The following AKT3 variants were observed in gnomAD, a reference collection of about 807,000 sequenced individuals.
The protein encoded by AKT3 is RAC-gamma serine/threonine-protein kinase.
In AKT3, 15 loss-of-function variants were observed where a neutral mutation model predicts 65.3. The observed-to-expected ratio is 0.23, with a 90% confidence interval of 0.15 to 0.35. The LOEUF is 0.35. Among genes scored for constraint, AKT3 ranks in the 10% least tolerant of loss-of-function variants. AKT3 has a pLI of 1.00. For synonymous variants in AKT3, 206 were observed against 183.8 expected, an observed-to-expected ratio of 1.12 and a Z score of -0.98; for missense variants, 243 against 576.5, an observed-to-expected ratio of 0.42 and a Z score of 5.92.
At chr1:243,721,333 C>G (rs1224911885) in intron 2 of AKT3, among the ~76,000 whole-genome samples, 4 of 152,120 alleles carry the variant, frequency 2.6e-5, no homozygotes, top group African/African-American at 7.2e-5. Context: ...TCTGAACAGA[C>G]AGGTCTTGGT....
chr1:243,546,944 T>C (rs1234246585), intron 11 of AKT3: 1 of 152,082 alleles, frequency 6.6e-6, no homozygotes, highest in East Asian at 1.9e-4. Context: ...CAATGGAGAC[T>C]TCAGAACTTC....
intron 2 of AKT3, among the ~76,000 whole-genome samples, chr1:243,725,258 G>A (rs1038121431): frequency 1.3e-5 from 2 of 151,990 alleles, no homozygotes; most frequent in African/African-American, 2.4e-5. Context: ...AAAAGTTCTG[G>A]AAAGTGTTGA....
intron 2 of AKT3, among the ~76,000 whole-genome samples, chr1:243,772,255 C>G (rs925762421): frequency 2.0e-5 from 3 of 151,926 alleles, no homozygotes; most frequent in Admixed American, 1.3e-4. Context: ...AACAGGCAAC[C>G]TACAGAATGG....
intron 2 of AKT3, among the ~76,000 whole-genome samples, chr1:243,831,615 A>G (rs1694512930): frequency 6.6e-6 from 1 of 152,192 alleles, no homozygotes; most frequent in African/African-American, 2.4e-5. Flanking sequence ...AGGGTATAGA[A>G]ACTATGGAAA....
chr1:243,499,864 C>G lies in AKT3; in HGVS notation c.*5385G>C. On this transcript the variant is annotated 3_prime_UTR_variant, in exon 14 of 14. Coordinates refer to ENST00000673466, the MANE Select transcript of AKT3 (RefSeq NM_005465.7). The stretch of plus-strand genomic sequence containing the variant: ...CTGGTTTAGACTTAATATGCCACAA[C>G]GCACCACGACCTTCCCAGGGTGACA... The G allele has an allele frequency of 2.9e-6, 4 of 1,380,762 alleles. No individual in the cohort carries two copies. The South Asian group carries it at 3.5e-5, about 12-fold the overall frequency. The allele number at this position is 1,380,762 out of a possible 1,614,324, so 85.5% of individuals were successfully genotyped here.
chr1:243,671,875 TCAATCC>T (rs1211377691), intron 3 of AKT3, among the ~76,000 whole-genome samples: 3 of 152,184 alleles, frequency 2.0e-5, no homozygotes, highest in Non-Finnish European at 4.4e-5. Context: ...CAAGTCTATC[TCAATCC>T]CAATCCCATG....
At chr1:243,798,566 A>T (rs1446282535) in intron 2 of AKT3, among the ~76,000 whole-genome samples, 1 of 151,860 alleles carries the variant, frequency 6.6e-6, no homozygotes, top group Non-Finnish European at 1.5e-5. Flanking sequence ...GATATTATCT[A>T]ATTTCCTACA....
At chr1:243,795,494 C>T (rs1305374737) in intron 2 of AKT3, among the ~76,000 whole-genome samples, 23 of 88,414 alleles carry the variant, frequency 2.6e-4, no homozygotes, top group African/African-American at 8.8e-4. Flanking sequence ...TTTTTTGAGA[C>T]GGAGTCTCGC....
In AKT3 at chr1:243,773,631, C is replaced by CA. The variant is rs1466539320; in HGVS notation, c.46+69493dup. Among the ~76,000 whole-genome samples the CA allele has an allele frequency of 7.3e-5, 11 of 151,304 alleles. No homozygotes were observed. The East Asian group carries it at 1.2e-3, about 16-fold the overall frequency. On this transcript the variant is annotated intron_variant, in intron 2 of 13. Coordinates refer to ENST00000673466, the MANE Select transcript of AKT3 (RefSeq NM_005465.7). ...CACAGTGAGACCCCATCGCCCCCCA[C>CA]AAAAAAAAGTTTTATAAAATGAGAA...
intron 2 of AKT3, chr1:243,814,436 T>A (rs1229322004): frequency 6.6e-6 from 1 of 152,194 alleles, no homozygotes; most frequent in Non-Finnish European, 1.5e-5. Flanking sequence ...AAATTCTTCC[T>A]CATTCTACAT....
At chr1:243,798,846 T>C (rs992887606) in intron 2 of AKT3, among the ~76,000 whole-genome samples, 27 of 152,220 alleles carry the variant, frequency 1.8e-4, no homozygotes, top group African/African-American at 6.5e-4. Context: ...CAGCAGTTGC[T>C]CTTTCATTAG....
chr1:243,607,214 G>A (rs1207602563), intron 8 of AKT3, among the ~76,000 whole-genome samples: 1 of 152,182 alleles, frequency 6.6e-6, no homozygotes, highest in Non-Finnish European at 1.5e-5. Context: ...CCAGACCCCA[G>A]AACGGTAATC....
chr1:243,663,149 G>A (rs1301832849), intron 4 of AKT3, among the ~76,000 whole-genome samples: 1 of 152,210 alleles, frequency 6.6e-6, no homozygotes, highest in African/African-American at 2.4e-5. Context: ...CATCATCTTT[G>A]CTGTCAAGAA....
rs1669521363 is a variant in AKT3 at position 243,504,195 on chromosome 1, C to T, written c.*1054G>A. 4.6e-6 allele frequency: 1 copy of T among 215,302 alleles called. No homozygotes were observed. The highest frequency in any genetic ancestry group is 5.8e-5 in the Admixed American group (1 of 17,108). The allele number at this position is 215,302 out of a possible 1,614,324, so 13.3% of individuals were successfully genotyped here. ...TTTATATAAGTTGGAGCTGCGTTTGCTAACATGACATACAATTCTCATCAC... is the reference window on the plus strand; with the variant it reads ...TTTATATAAGTTGGAGCTGCGTTTGTTAACATGACATACAATTCTCATCAC... On this transcript the variant is annotated 3_prime_UTR_variant, in exon 14 of 14. Coordinates refer to ENST00000673466, the MANE Select transcript of AKT3 (RefSeq NM_005465.7).
chr1:243,638,460 T>C (rs1052471320), intron 5 of AKT3, among the ~76,000 whole-genome samples: 17 of 152,286 alleles, frequency 1.1e-4, no homozygotes, highest in African/African-American at 4.1e-4. Context: ...TATGTACTCT[T>C]TTCCTGCTCT....
chr1:243,661,580 T>C (rs916777409), intron 4 of AKT3, among the ~76,000 whole-genome samples: 1 of 151,130 alleles, frequency 6.6e-6, no homozygotes, highest in Admixed American at 6.6e-5. Flanking sequence ...ACTTAAACGT[T>C]AGACCTAAAA....
chr1:243,723,220 C>G (rs1407926407), intron 2 of AKT3, among the ~76,000 whole-genome samples: 1 of 152,132 alleles, frequency 6.6e-6, no homozygotes, highest in Non-Finnish European at 1.5e-5. Context: ...AAATCAGGAG[C>G]ATCTGTCCAC....
At chr1:243,616,080 T>C (rs771324741) in intron 6 of AKT3, among the ~76,000 whole-genome samples, 25 of 151,490 alleles carry the variant, frequency 1.7e-4, no homozygotes, top group Non-Finnish European at 7.4e-5. Context: ...TTTCAATAGG[T>C]TTTTGGGGAG....
chr1:243,527,509 T>G (rs1436788256), intron 12 of AKT3, among the ~76,000 whole-genome samples: 1 of 152,192 alleles, frequency 6.6e-6, no homozygotes, highest in Admixed American at 6.5e-5. Flanking sequence ...TAATTTTTTC[T>G]TTCGAGGAAC....
Sources: gnomAD v4.1 joint callset for allele counts (sites outside exome capture counted in the v4.1 genomes callset) on GRCh38, gnomAD v4.1.1 for gene constraint, MANE v1.5 for transcripts, NCBI Gene and HGNC (gene_info 2026-07-23, HGNC 2026-07-21) for gene names.